The following BLTP3A variants were observed in gnomAD, a reference collection of about 807,000 sequenced individuals.
BLTP3A encodes the protein bridge-like lipid transfer protein family member 3A.
chr6:34,848,292 A>AT, the BLTP3A span, among the ~76,000 whole-genome samples: 151 of 151,434 alleles, frequency 1.0e-3, no homozygotes, highest in Admixed American at 4.4e-3. Flanking sequence ...TCAAAAAAAA[A>AT]AATAATAATA....
At chr6:34,871,143 A>G in the BLTP3A span, 51 of 1,595,266 alleles carry the variant, frequency 3.2e-5, no homozygotes, top group East Asian at 7.4e-4. Flanking sequence ...GTTTTTGCCA[A>G]TGTAAGGGCA....
chr6:34,864,522 C>CTTTTTTTTTTT, the BLTP3A span, among the ~76,000 whole-genome samples: 2 of 109,456 alleles, frequency 1.8e-5, no homozygotes, highest in East Asian at 2.6e-4. Context: ...TGCTTATAGT[C>CTTTTTTTTTTT]TTTTTTTTTT....
chr6:34,812,004 G>A, the BLTP3A span, among the ~76,000 whole-genome samples: 2 of 151,894 alleles, frequency 1.3e-5, no homozygotes, highest in Admixed American at 6.6e-5. Context: ...TCCAGCTTCG[G>A]TAACAGTGAG....
chr6:34,821,131 T>C, the BLTP3A span, among the ~76,000 whole-genome samples: 5 of 152,120 alleles, frequency 3.3e-5, no homozygotes, highest in Non-Finnish European at 5.9e-5. Context: ...TAATTTAGTA[T>C]TTTTAGTAGA....
At chr6:34,858,640 T>A in the BLTP3A span, 1 of 1,614,206 alleles carries the variant, frequency 6.2e-7, no homozygotes, top group South Asian at 1.1e-5. Flanking sequence ...TCCTGTCCAG[T>A]CTGAGGCTCT....
the BLTP3A span, chr6:34,821,610 G>T: frequency 2.6e-6 from 4 of 1,545,076 alleles, no homozygotes; most frequent in African/African-American, 1.4e-5. Context: ...CCAATTAGCA[G>T]ATTCCCATGG....
the BLTP3A span, among the ~76,000 whole-genome samples, chr6:34,820,960 GT>G: frequency 6.5e-4 from 87 of 134,244 alleles, no homozygotes; most frequent in Admixed American, 9.0e-4. Context: ...CCCTCTGTCT[GT>G]TTTTTTTTTT....
the BLTP3A span, chr6:34,792,321 C>T: frequency 6.5e-7 from 1 of 1,535,190 alleles, no homozygotes; most frequent in Non-Finnish European, 8.8e-7. Flanking sequence ...CGGCCCCCGG[C>T]GGTCCTGGGC....
the BLTP3A span, chr6:34,872,569 C>G: frequency 1.7e-6 from 2 of 1,188,562 alleles, no homozygotes; most frequent in Admixed American, 5.6e-5. Flanking sequence ...GCACTCACTT[C>G]ACTTGTGTGG....
the BLTP3A span, among the ~76,000 whole-genome samples, chr6:34,827,167 C>A: frequency 6.6e-6 from 1 of 151,928 alleles, no homozygotes; most frequent in African/African-American, 2.4e-5. Context: ...AAAAATTAGC[C>A]GGGCGTGGTG....
chr6:34,855,697 T>C, the BLTP3A span: 309 of 1,613,500 alleles, frequency 1.9e-4, no homozygotes, highest in Middle Eastern at 8.2e-4. Flanking sequence ...CCCTTTCCAT[T>C]GGGCAGGTTA....
At chr6:34,798,857 A>G in the BLTP3A span, among the ~76,000 whole-genome samples, 5 of 152,192 alleles carry the variant, frequency 3.3e-5, no homozygotes, top group African/African-American at 7.2e-5. Context: ...CAAAATGACA[A>G]TCATGTACAT....
At chr6:34,797,033 TAAG>T in the BLTP3A span, among the ~76,000 whole-genome samples, 1 of 152,164 alleles carries the variant, frequency 6.6e-6, no homozygotes, top group Non-Finnish European at 1.5e-5. Context: ...CTGTAAAAGA[TAAG>T]GAGGAAGAAT....
At chr6:34,798,446 T>G in the BLTP3A span, among the ~76,000 whole-genome samples, 3 of 152,208 alleles carry the variant, frequency 2.0e-5, no homozygotes. Context: ...ATGTTTAGCT[T>G]TAATGGATAC....
chr6:34,811,175 C>T, the BLTP3A span, among the ~76,000 whole-genome samples: 2 of 152,072 alleles, frequency 1.3e-5, no homozygotes, highest in African/African-American at 4.8e-5. Context: ...CGGGCTGACT[C>T]ATTATTGTTG....
the BLTP3A span, among the ~76,000 whole-genome samples, chr6:34,843,435 T>A: frequency 6.6e-6 from 1 of 152,222 alleles, no homozygotes; most frequent in Non-Finnish European, 1.5e-5. Flanking sequence ...TGAGTAATAG[T>A]TTAAAAGTTA....
the BLTP3A span, chr6:34,871,038 G>C: frequency 6.2e-7 from 1 of 1,614,088 alleles, no homozygotes; most frequent in Non-Finnish European, 8.5e-7. Flanking sequence ...GTGGCCTGGG[G>C]CCCTTCTTGG....
At chr6:34,859,540 A>G in the BLTP3A span, 1 of 1,614,028 alleles carries the variant, frequency 6.2e-7, no homozygotes, top group Admixed American at 1.7e-5. Context: ...GACCTCCACC[A>G]TGCACAAGAT....
the BLTP3A span, among the ~76,000 whole-genome samples, chr6:34,803,306 A>G: frequency 6.6e-6 from 1 of 151,090 alleles, no homozygotes; most frequent in East Asian, 1.9e-4. Context: ...TTTCTTTTGT[A>G]TGAAATTTTG....
Sources: allele counts gnomAD v4.1 joint callset (sites outside exome capture counted in the v4.1 genomes callset), GRCh38; gene constraint gnomAD v4.1.1; transcripts MANE v1.5; gene names NCBI Gene and HGNC (gene_info 2026-07-23, HGNC 2026-07-21).